MGMT: variants seen among roughly 807,000 people sequenced by gnomAD.
MGMT encodes the protein O-6-methylguanine-DNA methyltransferase.
Under a neutral mutation model 15.9 loss-of-function variants are expected in MGMT, and 14 were observed. The observed-to-expected ratio is 0.88, with a 90% CI of 0.58 to 1.37. MGMT has a LOEUF of 1.37. Ranked by LOEUF, MGMT falls within the 40% of genes most tolerant of loss-of-function variation. The pLI is 0.00. For synonymous variants in MGMT, 130 were observed against 118.2 expected, an observed-to-expected ratio of 1.10 and a Z score of -0.65; for missense variants, 282 against 268.1, an observed-to-expected ratio of 1.05 and a Z score of -0.36.
intron 3 of MGMT, among the ~76,000 whole-genome samples, chr10:129,757,440 G>T (rs1334066584): frequency 6.6e-6 from 1 of 152,112 alleles, no homozygotes; most frequent in African/African-American, 2.4e-5. Context: ...AAAGTTCCAG[G>T]CCGTTCTCCC....
chr10:129,756,292 A>C (rs1456980509), intron 3 of MGMT, among the ~76,000 whole-genome samples: 1 of 152,172 alleles, frequency 6.6e-6, no homozygotes, highest in Non-Finnish European at 1.5e-5. Context: ...GGTACCCAGC[A>C]CCACAGGACA....
chr10:129,544,189 T>C (rs780385982), intron 2 of MGMT, among the ~76,000 whole-genome samples: 13 of 152,172 alleles, frequency 8.5e-5, no homozygotes, highest in Admixed American at 4.6e-4. Flanking sequence ...CCTGTTTTCA[T>C]GAGGAGGAAA....
Position 129,533,256 on chromosome 10 carries a change from T to C in MGMT, c.-12-2985T>C, listed in dbSNP as rs1845951759. On this transcript the variant is annotated intron_variant, in intron 1 of 4. Transcript: ENST00000651593. The surrounding 1 kb of genome is among the most constrained non-coding windows in gnomAD (Gnocchi z 4.5). ...TCCTCCAGCCTTCCCAGAAGTTCTT[T>C]GAGTTGTGGAGTAGCCTTTCAGTAA... Among the ~76,000 whole-genome samples the C allele has an allele frequency of 6.6e-6, 1 of 152,226 alleles. No homozygotes were observed.
At chr10:129,701,912 G>C (rs1848103966) in intron 2 of MGMT, 1 of 152,230 alleles carries the variant, frequency 6.6e-6, no homozygotes, top group Admixed American at 6.5e-5. Flanking sequence ...GCTTCTTGCA[G>C]GTAGGGAGGA....
intron 2 of MGMT, among the ~76,000 whole-genome samples, chr10:129,685,577 C>G (rs989596153): frequency 6.6e-6 from 1 of 152,218 alleles, no homozygotes; most frequent in Non-Finnish European, 1.5e-5. Flanking sequence ...CTTATTCACC[C>G]ACTTGTGTTC....
intron 3 of MGMT, among the ~76,000 whole-genome samples, chr10:129,752,408 T>G (rs1033645775): frequency 2.0e-5 from 3 of 151,998 alleles, no homozygotes; most frequent in East Asian, 3.8e-4. Context: ...TTCTTGTGCA[T>G]GTTTTTAAAA....
chr10:129,474,772 T>C (rs1316138273), intron 1 of MGMT, among the ~76,000 whole-genome samples: 1 of 152,178 alleles, frequency 6.6e-6, no homozygotes, highest in Non-Finnish European at 1.5e-5. Context: ...TAGTGTGTGC[T>C]GGGGCCTTAA....
intron 2 of MGMT, among the ~76,000 whole-genome samples, chr10:129,575,992 T>G (rs1324804780): frequency 6.6e-6 from 1 of 152,152 alleles, no homozygotes; most frequent in Non-Finnish European, 1.5e-5. Flanking sequence ...CAGGAAGAAG[T>G]TGAATCTCTG....
intron 3 of MGMT, among the ~76,000 whole-genome samples, chr10:129,718,638 C>G (rs1848329368): frequency 1.3e-5 from 2 of 152,260 alleles, no homozygotes; most frequent in Non-Finnish European, 2.9e-5. Flanking sequence ...CCTTTGTCCT[C>G]TCCTGGTGAG....
chr10:129,722,809 C>T (rs772054025), intron 3 of MGMT, among the ~76,000 whole-genome samples: 10 of 151,970 alleles, frequency 6.6e-5, no homozygotes, highest in Non-Finnish European at 1.5e-4. Flanking sequence ...AGTTCAAGAC[C>T]AGCCTTGCAA....
At chr10:129,483,548 T>G (rs145511551) in intron 1 of MGMT, among the ~76,000 whole-genome samples, 4 of 152,282 alleles carry the variant, frequency 2.6e-5, no homozygotes, top group African/African-American at 9.6e-5. Context: ...TGACCTGTTT[T>G]TTTGCTTTTT....
intron 2 of MGMT, among the ~76,000 whole-genome samples, chr10:129,644,561 CT>C (rs750595883): frequency 5.9e-5 from 9 of 152,018 alleles, no homozygotes; most frequent in African/African-American, 9.7e-5. Flanking sequence ...GGTTCCCCCC[CT>C]GAGGCCTGGT....
chr10:129,657,647 G>A (rs188940770), intron 2 of MGMT, among the ~76,000 whole-genome samples: 30 of 149,718 alleles, frequency 2.0e-4, no homozygotes, highest in East Asian at 4.0e-4. Flanking sequence ...CTGGAGCTGG[G>A]GGGGGGACAG....
At chr10:129,608,614 A>G (rs1218275460) in intron 2 of MGMT, among the ~76,000 whole-genome samples, 2 of 152,222 alleles carry the variant, frequency 1.3e-5, no homozygotes, top group African/African-American at 2.4e-5. Context: ...CTCTGCGTAT[A>G]ATTATACGCT....
chr10:129,684,827 G>C (rs1328981428), intron 2 of MGMT, among the ~76,000 whole-genome samples: 1 of 152,226 alleles, frequency 6.6e-6, no homozygotes, highest in Non-Finnish European at 1.5e-5. Context: ...CTGTATAAAT[G>C]TTAGGAATTC....
intron 1 of MGMT, among the ~76,000 whole-genome samples, chr10:129,488,604 A>G (rs1217081128): frequency 6.6e-6 from 1 of 152,124 alleles, no homozygotes; most frequent in African/African-American, 2.4e-5. Context: ...CTTTTCCTTT[A>G]TAGTTTGCAC....
At chr10:129,723,212 C>T (rs1023622836) in intron 3 of MGMT, among the ~76,000 whole-genome samples, 4 of 151,992 alleles carry the variant, frequency 2.6e-5, no homozygotes, top group South Asian at 4.2e-4. Flanking sequence ...AGATTTTGTG[C>T]ACCCATTACA....
chr10:129,631,817 C>G (rs532490099), intron 2 of MGMT, among the ~76,000 whole-genome samples: 2 of 152,284 alleles, frequency 1.3e-5, no homozygotes, highest in South Asian at 4.1e-4. Flanking sequence ...GAGTGAGACC[C>G]TGTCTCAATT....
intron 2 of MGMT, among the ~76,000 whole-genome samples, chr10:129,612,993 GC>G (rs1278685000): frequency 6.6e-6 from 1 of 152,084 alleles, no homozygotes; most frequent in African/African-American, 2.4e-5. Flanking sequence ...CCATGTTATA[GC>G]CGAGTTCAGA....
Sources: allele counts gnomAD v4.1 joint callset (sites outside exome capture counted in the v4.1 genomes callset), GRCh38; gene constraint gnomAD v4.1.1; non-coding constraint Gnocchi (gnomAD v3.1); transcripts MANE v1.5; gene names NCBI Gene and HGNC (gene_info 2026-07-23, HGNC 2026-07-21).